The following SI variants were observed in gnomAD, a reference collection of about 807,000 sequenced individuals.
The protein encoded by SI is sucrase-isomaltase, intestinal.
In SI, 235 loss-of-function variants were observed where a neutral mutation model predicts 253.3. The observed-to-expected ratio is 0.93, with a 90% CI of 0.83 to 1.03. SI has a LOEUF of 1.03. Among genes scored for constraint, SI ranks in the 50% least tolerant of loss-of-function variants. The pLI is 0.00. For missense variants in SI, 2,442 were observed against 2,211.1 expected (o/e 1.10, Z -2.09); for synonymous variants, 819 against 712.0 (o/e 1.15, Z -2.39).
Position 165,049,146 on chromosome 3 carries a change from T to A in SI, c.1696A>T (p.Met566Leu). 2 of 1,583,204 alleles carry A rather than the reference T, an allele frequency of 1.3e-6. No homozygotes were observed. Among genetic ancestry groups the A allele is most frequent in the Non-Finnish European group, 1.7e-6 (2 of 1,151,864 alleles). The change falls in exon 15 of 48, where the codon ATG becomes TTG. Residue 566 changes from methionine to leucine, a missense_variant. Transcript: ENST00000264382. ...YDVHSLYGYS[M>L]AIATEQAVQK... Reference sequence around the variant, plus strand: ...ACTTACTGCTCTGTGGCTATAGCCATGCTGTATCCATAGAGGCTATGAACA... The same window carrying A: ...ACTTACTGCTCTGTGGCTATAGCCAAGCTGTATCCATAGAGGCTATGAACA...
rs2108253868 is a variant in SI at position 165,062,373 on chromosome 3, G to C, written c.1018C>G (p.Gln340Glu). Reference sequence around the variant, plus strand: ...TATAAAATAGACCTGAAACACACCTGTTGATACTGTTGAACTACTTGTTCT... The same window carrying C: ...TATAAAATAGACCTGAAACACACCTCTTGATACTGTTGAACTACTTGTTCT... Reference protein sequence around the residue: ...TPEQVVQQYQQLVGLPAMPAY... With the variant: ...TPEQVVQQYQELVGLPAMPAY... The change falls in exon 9 of 48, where the codon CAG becomes GAG. Residue 340 changes from glutamine to glutamate, a missense_variant and splice_region_variant. By Grantham distance (29) the Gln-to-Glu change is conservative. Transcript: ENST00000264382. 6.8e-7 allele frequency: 1 copy of C among 1,481,230 alleles called. No individual in the cohort carries two copies. The highest frequency in any genetic ancestry group is 9.4e-7 in the Non-Finnish European group (1 of 1,059,588). 91.8% of individuals were successfully genotyped at this position (1,481,230 alleles called of 1,614,324 possible). A position where few individuals can be genotyped will look rare whatever the true frequency, so the allele number is the denominator to read the frequency against.
intron 32 of SI, 114 bp from the exon 33 acceptor site, chr3:165,015,347 C>T (rs41273565): frequency 9.4e-5 from 69 of 733,772 alleles, no homozygotes; most frequent in Non-Finnish European, 1.5e-4. Flanking sequence ...TGTGCTCTCA[C>T]ATTAAATGAC....
intron 34 of SI, among the ~76,000 whole-genome samples, chr3:165,011,413 C>A (rs1718760687): frequency 6.6e-6 from 1 of 152,032 alleles, no homozygotes; most frequent in South Asian, 2.1e-4. Flanking sequence ...TTTGAATTGA[C>A]TTATTTCCCC....
chr3:165,006,733 G>T, intron 37 of SI, 83 bp downstream of exon 37: 1 of 1,198,010 alleles, frequency 8.3e-7, no homozygotes, highest in Non-Finnish European at 1.2e-6. Flanking sequence ...AGAGAAGATT[G>T]TCGGGACTGT....
Position 165,017,860 on chromosome 3 carries a change from C to T in SI, c.3534G>A (p.Gln1178=). ...TACGGTAAGTTAGAGCAGGAGTTGG[C>T]TGGAATGTAACATCTGGAAATCCAA... ...LNSNAMDVTF[Q]PTPALTYRTV... The change falls in exon 30 of 48, where the codon CAG becomes CAA. Residue 1178 remains glutamine, a synonymous_variant. Coordinates refer to ENST00000264382, the MANE Select transcript of SI (RefSeq NM_001041.4). The T allele has an allele frequency of 1.9e-6, 3 of 1,612,444 alleles. No homozygotes were observed. The highest frequency in any genetic ancestry group is 2.5e-6 in the Non-Finnish European group (3 of 1,178,872).
At chr3:165,070,986 A>C (rs1391995887) in intron 3 of SI, among the ~76,000 whole-genome samples, 3 of 151,774 alleles carry the variant, frequency 2.0e-5, no homozygotes, top group Admixed American at 2.0e-4. Context: ...GCCTTTTTCC[A>C]ATTTTTGCTT....
intron 37 of SI, among the ~76,000 whole-genome samples, chr3:165,001,892 A>G (rs957560217): frequency 3.3e-5 from 5 of 151,604 alleles, no homozygotes; most frequent in Admixed American, 1.3e-4. Context: ...CCAGAAAGTT[A>G]CATTAAATAT....
At chr3:165,085,663 A>G in the SI span, among the ~76,000 whole-genome samples, 1 of 152,172 alleles carries the variant, frequency 6.6e-6, no homozygotes, top group Non-Finnish European at 1.5e-5. Context: ...CCTTTCTACA[A>G]TCACTGCCTC....
intron 37 of SI, among the ~76,000 whole-genome samples, chr3:165,006,571 T>C (rs1718519760): frequency 6.6e-6 from 1 of 152,032 alleles, no homozygotes; most frequent in Non-Finnish European, 1.5e-5. Flanking sequence ...AGAAACAAAA[T>C]AAAAATGGTC....
At chr3:165,037,261 G>A (rs983644644) in intron 21 of SI, among the ~76,000 whole-genome samples, 2 of 151,896 alleles carry the variant, frequency 1.3e-5, no homozygotes, top group African/African-American at 4.8e-5. Context: ...AAATACAGTA[G>A]GGTAAGGAAT....
intron 34 of SI, among the ~76,000 whole-genome samples, chr3:165,012,638 GCCAGGATGGT>G (rs1177683356): frequency 2.0e-5 from 3 of 151,938 alleles, no homozygotes; most frequent in Non-Finnish European, 2.9e-5. Context: ...CACCATGTTA[GCCAGGATGGT>G]CTCAATCTCC....
chr3:165,051,025 TAATAA>T (rs1713400100), intron 13 of SI, among the ~76,000 whole-genome samples: 1 of 152,024 alleles, frequency 6.6e-6, no homozygotes, highest in African/African-American at 2.4e-5. Context: ...TCAAAGACAC[TAATAA>T]AATAATTTTT....
intron 25 of SI, among the ~76,000 whole-genome samples, chr3:165,028,207 A>C (rs2108197359): frequency 6.6e-6 from 1 of 151,488 alleles, no homozygotes; most frequent in South Asian, 2.1e-4. Context: ...AAAATAAAAT[A>C]AACTAAAATA....
intron 6 of SI, among the ~76,000 whole-genome samples, chr3:165,065,816 T>C (rs1242573985): frequency 6.6e-6 from 1 of 151,684 alleles, no homozygotes; most frequent in Non-Finnish European, 1.5e-5. Context: ...CTCTAGGTAC[T>C]AGATTTTAAA....
chr3:165,068,739 TG>T lies in SI; in HGVS notation c.465del (p.Asn156IlefsTer22). ...AACCGAACCTTGAACCGGAAACGAT[TG>T]GGTGTCTGATTTTGAGTTGTGAAGA... ...SVLFTTQNQTPNRFRFKITDP... is the reference protein window; with the variant it reads ...SVLFTTQNQTXNRFRFKITDP... On this transcript the variant is annotated frameshift_variant, in exon 5 of 48. Transcript: ENST00000264382. LOFTEE classifies it high-confidence loss of function. 1 of 1,612,972 alleles carries T rather than the reference TG, an allele frequency of 6.2e-7. No homozygotes were observed. The highest frequency in any genetic ancestry group is 8.5e-7 in the Non-Finnish European group (1 of 1,178,942).
chr3:165,075,274 A>G (rs1266743182), intron 2 of SI, among the ~76,000 whole-genome samples: 1 of 152,028 alleles, frequency 6.6e-6, no homozygotes, highest in African/African-American at 2.4e-5. Flanking sequence ...GGAATAGGAA[A>G]TGCTAACTGT....
intron 6 of SI, 44 bp from the exon 7 acceptor site, chr3:165,065,476 T>C (rs200729150): frequency 2.0e-5 from 5 of 255,340 alleles, no homozygotes; most frequent in South Asian, 1.0e-4. Flanking sequence ...TATATATATA[T>C]ATATATATAT....
At chr3:165,082,903 G>T (rs1328185316), upstream of SI, among the ~76,000 whole-genome samples, 2 of 151,924 alleles carry the variant, frequency 1.3e-5, no homozygotes. Flanking sequence ...ATTTAGACTT[G>T]TGCTGTGTGG....
Position 165,074,828 on chromosome 3 carries a change from A to G in SI, c.119-161T>C, listed in dbSNP as rs938231145. Reference sequence around the variant, plus strand: ...AAAAAGACCCACAATTTCAAGCACTAGTCATCAAAAGGAAAAGATCCAATC... The same window carrying G: ...AAAAAGACCCACAATTTCAAGCACTGGTCATCAAAAGGAAAAGATCCAATC... On this transcript the variant is annotated intron_variant, in intron 2 of 47. Transcript: ENST00000264382. The G allele has an allele frequency of 2.2e-5, 13 of 600,202 alleles. No individual in the cohort carries two copies. In the East Asian group the frequency reaches 3.9e-4, roughly 18 times the overall value. 37.2% of individuals were successfully genotyped at this position (600,202 alleles called of 1,614,324 possible).
Sources: gnomAD v4.1 joint callset for allele counts (sites outside exome capture counted in the v4.1 genomes callset) on GRCh38, gnomAD v4.1.1 for gene constraint, MANE v1.5 for transcripts, NCBI Gene and HGNC (gene_info 2026-07-23, HGNC 2026-07-21) for gene names.